CACNA1I: variants seen among roughly 807,000 people sequenced by gnomAD.
CACNA1I encodes voltage-dependent T-type calcium channel subunit alpha-1I.
CACNA1I carries 74 observed loss-of-function variants against 201.6 expected under a neutral mutation model. That is an observed-to-expected ratio of 0.37 (90% CI 0.30 to 0.45). The LOEUF is 0.45. Among genes scored for constraint, CACNA1I ranks in the 20% least tolerant of loss-of-function variants. The probability of loss-of-function intolerance (pLI) is 1.00; values close to 1 mark genes in which losing one functional copy is unlikely to be tolerated. For synonymous variants in CACNA1I, 1,431 were observed against 1,345.2 expected (o/e 1.06, Z -1.40); for missense variants, 2,346 against 3,138.1 (o/e 0.75, Z 6.03).
At chr22:39,635,515 G>A (rs1008194177) in intron 5 of CACNA1I, among the ~76,000 whole-genome samples, 1 of 152,184 alleles carries the variant, frequency 6.6e-6, no homozygotes, top group Non-Finnish European at 1.5e-5. Context: ...GCCTGGTTGG[G>A]GAGAGGGTAG....
Position 39,677,835 on chromosome 22 carries a change from C to A in CACNA1I, c.4934-152C>A, listed in dbSNP as rs1224016841. Among the ~76,000 whole-genome samples, 1 of 152,228 alleles carries A rather than the reference C, an allele frequency of 6.6e-6. No individual in the cohort carries two copies. The highest frequency in any genetic ancestry group is 2.4e-5 in the African/African-American group (1 of 41,454). ...GAGCCCCAGCTCATGTGCCATCTCC[C>A]CGAGCCTCAGTTTATCTGTGGGCTG... On this transcript the variant is annotated intron_variant, in intron 30 of 36. Coordinates refer to ENST00000402142, the MANE Select transcript of CACNA1I (RefSeq NM_021096.4). This position sits in a 1 kb window ranked among gnomAD's most constrained non-coding sequence, Gnocchi z 4.8.
intron 1 of CACNA1I, among the ~76,000 whole-genome samples, chr22:39,575,938 C>G (rs1932331454): frequency 6.6e-6 from 1 of 152,090 alleles, no homozygotes. Flanking sequence ...CCATGCCGGG[C>G]TAATTTTGAA....
rs1445058207 is a variant in CACNA1I, at chr22:39,670,157, G to T, written c.4314G>T (p.Arg1438=). 1 of 1,614,014 alleles carries T rather than the reference G, an allele frequency of 6.2e-7. No individual in the cohort carries two copies. Among genetic ancestry groups the T allele is most frequent in the Admixed American group, 1.7e-5 (1 of 60,026 alleles). ...TGGTGGAGAACTTCCACAAGTGCCG[G>T]CAGCACCAGGAGGCTGAAGAGGCAC... The part of the protein sequence containing the change: ...GVVVENFHKC[R]QHQEAEEARR... The change falls in exon 25 of 37, where the codon CGG becomes CGT. Residue 1438 remains arginine, a synonymous_variant. Coordinates refer to ENST00000402142, the MANE Select transcript of CACNA1I (RefSeq NM_021096.4).
intron 1 of CACNA1I, among the ~76,000 whole-genome samples, chr22:39,586,593 G>C (rs968006735): frequency 6.6e-6 from 1 of 152,230 alleles, no homozygotes; most frequent in Non-Finnish European, 1.5e-5. Context: ...AGAGGAGTCA[G>C]TCATGCCCAG....
intron 5 of CACNA1I, among the ~76,000 whole-genome samples, chr22:39,638,911 T>C (rs1419947584): frequency 2.6e-5 from 4 of 152,194 alleles, no homozygotes; most frequent in Non-Finnish European, 4.4e-5. Context: ...ACAATAGGGT[T>C]CGTGCTCCTA....
chr22:39,669,559 GGATGGGTGGGTA>G (rs1012320472), intron 24 of CACNA1I, among the ~76,000 whole-genome samples: 19 of 152,030 alleles, frequency 1.2e-4, no homozygotes, highest in African/African-American at 4.3e-4. Context: ...GTGGGTGGAT[GGATGGGTGGGTA>G]GATAAATGAA....
At chr22:39,641,664 C>T (rs1435317820) in intron 6 of CACNA1I, among the ~76,000 whole-genome samples, 1 of 152,220 alleles carries the variant, frequency 6.6e-6, no homozygotes, top group Non-Finnish European at 1.5e-5. Context: ...AAATGTGTCT[C>T]GCCTTGTCAC....
chr22:39,624,140 T>C (rs541609658), intron 4 of CACNA1I, among the ~76,000 whole-genome samples: 1 of 147,796 alleles, frequency 6.8e-6, no homozygotes, highest in Admixed American at 6.7e-5. Context: ...AGAGTGTGTG[T>C]GTAGCGAGCA....
At chr22:39,678,791 C>T (rs574956844) in intron 31 of CACNA1I, among the ~76,000 whole-genome samples, 2 of 152,320 alleles carry the variant, frequency 1.3e-5, no homozygotes, top group Middle Eastern at 3.4e-3. Flanking sequence ...CCAGGGGCCC[C>T]TGAAGGAAGC....
intron 10 of CACNA1I, among the ~76,000 whole-genome samples, 170 bp from the exon 11 acceptor site, chr22:39,657,982 C>CA (rs1464025382): frequency 1.3e-5 from 2 of 152,196 alleles, no homozygotes; most frequent in African/African-American, 4.8e-5. Context: ...CCCAAGGTAG[C>CA]AGAGTTGAGA....
chr22:39,661,654 C>G (rs1935016019), intron 16 of CACNA1I, among the ~76,000 whole-genome samples: 1 of 152,244 alleles, frequency 6.6e-6, no homozygotes, highest in African/African-American at 2.4e-5. Context: ...AAATTACTGC[C>G]CTTCTCTGAG....
chr22:39,622,006 G>A (rs1000861562), intron 4 of CACNA1I, among the ~76,000 whole-genome samples: 1 of 152,092 alleles, frequency 6.6e-6, no homozygotes, highest in East Asian at 1.9e-4. Context: ...CTAGTCCAGG[G>A]TCACACAGCA....
intron 4 of CACNA1I, 55 bp downstream of exon 4, chr22:39,619,462 C>A: frequency 7.4e-7 from 1 of 1,347,874 alleles, no homozygotes; most frequent in Non-Finnish European, 1.1e-6. Flanking sequence ...CCTGGCCAAC[C>A]CATCCCTGGC....
rs1381637760 is a variant in CACNA1I, at chr22:39,600,517, C to T, written c.349-3C>T. The T allele has an allele frequency of 6.2e-7, 1 of 1,610,942 alleles. No homozygotes were observed. The highest frequency in any genetic ancestry group is 2.2e-5 in the East Asian group (1 of 44,684). ...CCTTGCTTCCCTCCTCCTGCCCCTG[C>T]AGGTCTTTGATGACTTCATCTTTAT... On this transcript the variant is annotated splice_region_variant and splice_polypyrimidine_tract_variant and intron_variant, in intron 2 of 36. Transcript: ENST00000402142.
Position 39,660,451 on chromosome 22 carries a change from C to G in CACNA1I, c.2698+14C>G, listed in dbSNP as rs771723885. 1 of 1,590,948 alleles carries G rather than the reference C, an allele frequency of 6.3e-7. No homozygotes were observed. Among genetic ancestry groups the G allele is most frequent in the Non-Finnish European group, 8.6e-7 (1 of 1,163,536 alleles). Reference sequence around the variant, plus strand: ...ACAGCAGCGGAGGTAAACAGGCCCTCGCTTGTCACCTAGAGAGCCCAGAGC... The same window carrying G: ...ACAGCAGCGGAGGTAAACAGGCCCTGGCTTGTCACCTAGAGAGCCCAGAGC... On this transcript the variant is annotated intron_variant, in intron 15 of 36. Transcript: ENST00000402142.
At chr22:39,663,370 G>C (rs761797611) in intron 18 of CACNA1I, among the ~76,000 whole-genome samples, 9 of 152,214 alleles carry the variant, frequency 5.9e-5, no homozygotes, top group African/African-American at 9.7e-5. Context: ...GCTGTGAAGA[G>C]GAGGAGCCTG....
At chr22:39,660,646 C>T (rs1569086863) in intron 15 of CACNA1I, among the ~76,000 whole-genome samples, 1 of 152,188 alleles carries the variant, frequency 6.6e-6, no homozygotes, top group African/African-American at 2.4e-5. Flanking sequence ...ATTCTAGGCA[C>T]AGGGGTAGCC....
At position 39,665,469 on chromosome 22, in the gene CACNA1I, A is replaced by G. The variant is rs1349227090; in HGVS notation, c.3852-29A>G. The stretch of plus-strand genomic sequence containing the variant: ...TGCCTCCTGGCCTGGCCAAGGGATT[A>G]TGTGTGCCTGGCCTCTCCCTGCCGT... On this transcript the variant is annotated intron_variant, in intron 21 of 36. Transcript: ENST00000402142. This position sits in a 1 kb window ranked among gnomAD's most constrained non-coding sequence, Gnocchi z 5.5. 2 of 1,612,074 alleles carry G rather than the reference A, an allele frequency of 1.2e-6. No individual in the cohort carries two copies. The highest frequency in any genetic ancestry group is 8.5e-7 in the Non-Finnish European group (1 of 1,179,290).
At chr22:39,679,905 G>A (rs1291221792) in intron 33 of CACNA1I, 37 bp downstream of exon 33, 1 of 1,590,958 alleles carries the variant, frequency 6.3e-7, no homozygotes, top group Admixed American at 1.7e-5. Context: ...CCTTGTGGCA[G>A]GGGCAGCACG....
Sources: gnomAD v4.1 joint callset for allele counts (sites outside exome capture counted in the v4.1 genomes callset) on GRCh38, gnomAD v4.1.1 for gene constraint, Gnocchi (gnomAD v3.1) non-coding constraint, MANE v1.5 for transcripts, NCBI Gene and HGNC (gene_info 2026-07-23, HGNC 2026-07-21) for gene names.